The following SPECC1 variants were observed in gnomAD, a reference collection of about 807,000 sequenced individuals.
SPECC1 encodes sperm antigen with calponin homology and coiled-coil domains 1.
A neutral mutation model predicts 104.1 loss-of-function variants in SPECC1; 62 were observed. That is an observed-to-expected ratio of 0.60 (90% CI 0.49 to 0.74). SPECC1 has a LOEUF of 0.74. Among genes scored for constraint, SPECC1 ranks in the 30% least tolerant of loss-of-function variants. The probability of loss-of-function intolerance (pLI) is 0.00; values close to 1 mark genes in which losing one functional copy is unlikely to be tolerated. For missense variants in SPECC1, 1,306 were observed against 1,310.5 expected (o/e 1.00, Z 0.05); for synonymous variants, 513 against 501.6 (o/e 1.02, Z -0.30).
chr17:20,247,156 A>AAC, intron 8 of SPECC1, 63 bp from the exon 9 acceptor site: 1 of 1,310,358 alleles, frequency 7.6e-7, no homozygotes, highest in Non-Finnish European at 1.1e-6. Context: ...AGAAATCAGG[A>AAC]ACAAGTATAT....
At chr17:20,032,598 G>A (rs935744789) in intron 1 of SPECC1, among the ~76,000 whole-genome samples, 11 of 151,826 alleles carry the variant, frequency 7.2e-5, no homozygotes, top group African/African-American at 1.5e-4. Context: ...TTTCAACTCC[G>A]GAATTTCCAT....
chr17:20,265,642 G>A (rs1181930173), intron 12 of SPECC1, among the ~76,000 whole-genome samples: 1 of 152,074 alleles, frequency 6.6e-6, no homozygotes, highest in African/African-American at 2.4e-5. Context: ...CTTGCTTTTG[G>A]GGACTTAGCC....
intron 13 of SPECC1, among the ~76,000 whole-genome samples, chr17:20,298,948 A>AGAGAGAGTGTGTGTGT: frequency 1.9e-3 from 93 of 49,058 alleles, no homozygotes; most frequent in African/African-American, 8.0e-3. Flanking sequence ...AGAGAGAGAG[A>AGAGAGAGTGTGTGTGT]GTGTGTGTGT....
chr17:20,086,521 C>G (rs765521267), intron 1 of SPECC1, among the ~76,000 whole-genome samples: 2 of 152,214 alleles, frequency 1.3e-5, no homozygotes, highest in Non-Finnish European at 2.9e-5. Flanking sequence ...CACCCTCTGG[C>G]TTCTCTTGTT....
At chr17:20,298,663 G>A (rs1167073510) in intron 13 of SPECC1, among the ~76,000 whole-genome samples, 2 of 152,118 alleles carry the variant, frequency 1.3e-5, no homozygotes, top group Non-Finnish European at 2.9e-5. Flanking sequence ...ATATGTCTCA[G>A]ACAGAATCAA....
chr17:20,140,276 G>GT lies in SPECC1; in HGVS notation c.283+29721dup, dbSNP rs369144461. Among the ~76,000 whole-genome samples, 15 of 152,244 alleles carry GT rather than the reference G, an allele frequency of 9.9e-5. No homozygotes were observed. The East Asian group carries it at 2.9e-3, about 29-fold the overall frequency. ...TCTTACAGTGGTCTTGTTGATTGAAGTTTTTTTAAACATCTTTCCATTCTT... is the reference window on the plus strand; with the variant it reads ...TCTTACAGTGGTCTTGTTGATTGAAGTTTTTTTTAAACATCTTTCCATTCTT... On this transcript the variant is annotated intron_variant, in intron 3 of 14. Transcript: ENST00000395527.
chr17:20,100,487 A>G (rs370976518), intron 2 of SPECC1, among the ~76,000 whole-genome samples: 3 of 152,220 alleles, frequency 2.0e-5, no homozygotes, highest in African/African-American at 7.2e-5. Flanking sequence ...AGCAGACACC[A>G]TAGACCACCA....
intron 3 of SPECC1, among the ~76,000 whole-genome samples, chr17:20,194,706 A>T (rs1403432553): frequency 6.6e-6 from 1 of 151,546 alleles, no homozygotes; most frequent in African/African-American, 2.4e-5. Context: ...GGGTTTCACC[A>T]TGTTGGCTAG....
intron 1 of SPECC1, among the ~76,000 whole-genome samples, chr17:20,031,616 A>C (rs1308306403): frequency 6.6e-6 from 1 of 152,176 alleles, no homozygotes; most frequent in South Asian, 2.1e-4. Flanking sequence ...AACTCTTTTT[A>C]TCTTGCAAAA....
At chr17:20,243,765 G>A (rs2039303067) in intron 7 of SPECC1, among the ~76,000 whole-genome samples, 1 of 152,180 alleles carries the variant, frequency 6.6e-6, no homozygotes, top group Admixed American at 6.5e-5. Context: ...TTGATATTTT[G>A]AATTGCAGAT....
At chr17:20,124,448 T>A (rs1310797773) in intron 3 of SPECC1, among the ~76,000 whole-genome samples, 1 of 151,996 alleles carries the variant, frequency 6.6e-6, no homozygotes, top group Non-Finnish European at 1.5e-5. Context: ...GAAGAAGTGT[T>A]GGGGACTCAA....
chr17:20,217,226 G>A (rs933157288), intron 4 of SPECC1, among the ~76,000 whole-genome samples: 2 of 151,626 alleles, frequency 1.3e-5, no homozygotes, highest in African/African-American at 2.4e-5. Context: ...GCCCTTGTGA[G>A]AAGTTGTGAA....
At position 20,205,144 on chromosome 17, in the gene SPECC1, A is replaced by G. The variant is rs1028345446; in HGVS notation, c.1095A>G (p.Val365=). The part of the protein sequence containing the change: ...CSTAGSSPNS[V]SELSLASLTE... ...CTGCTGGGAGTTCCCCAAACAGCGT[A>G]AGTGAATTGTCCCTGGCTTCCCTCA... Residue 365 remains valine, a synonymous_variant, in exon 4 of 15, where the codon GTA becomes GTG. Transcript: ENST00000395527. The G allele has an allele frequency of 1.9e-6, 3 of 1,614,058 alleles. No individual in the cohort carries two copies. Among genetic ancestry groups the G allele is most frequent in the African/African-American group, 2.7e-5 (2 of 74,924 alleles).
At chr17:20,154,861 G>A (rs1319048467) in intron 3 of SPECC1, among the ~76,000 whole-genome samples, 1 of 152,142 alleles carries the variant, frequency 6.6e-6, no homozygotes, top group African/African-American at 2.4e-5. Flanking sequence ...CATACTGACA[G>A]GCGTTGTTGA....
chr17:20,167,560 C>T (rs2033760885), intron 3 of SPECC1, among the ~76,000 whole-genome samples: 1 of 152,114 alleles, frequency 6.6e-6, no homozygotes, highest in South Asian at 2.1e-4. Flanking sequence ...TGCCTGTAAT[C>T]CCAATTACTC....
intron 1 of SPECC1, among the ~76,000 whole-genome samples, chr17:20,058,716 C>T (rs2046062145): frequency 1.3e-5 from 2 of 151,842 alleles, no homozygotes; most frequent in East Asian, 1.9e-4. Context: ...TTTAGATTAG[C>T]GGTCCCCAAC....
chr17:20,137,293 C>T (rs906330185), intron 3 of SPECC1, among the ~76,000 whole-genome samples: 2 of 152,202 alleles, frequency 1.3e-5, no homozygotes, highest in Non-Finnish European at 2.9e-5. Flanking sequence ...CACAATTCTG[C>T]GAATGTCTTA....
intron 3 of SPECC1, among the ~76,000 whole-genome samples, chr17:20,199,938 T>G (rs1244429041): frequency 6.6e-6 from 1 of 152,080 alleles, no homozygotes; most frequent in Non-Finnish European, 1.5e-5. Context: ...TACAGGCGTT[T>G]GTGGCACCAC....
In SPECC1 at chr17:20,018,747, A is replaced by G. The variant is rs184004380; in HGVS notation, c.-22+9323A>G. ...CAAAGGAAGCCAGGCACAAGCTTCC[A>G]AGCATCCTCTCCCAGTGCAGTCACA... On this transcript the variant is annotated intron_variant, in intron 1 of 14. Transcript: ENST00000395527. Among the ~76,000 whole-genome samples the G allele has an allele frequency of 5.7e-3, 867 of 152,332 alleles. 4 individuals carry two copies. Among genetic ancestry groups the G allele is most frequent in the Non-Finnish European group, 8.3e-3 (565 of 68,032 alleles).
Sources: gnomAD v4.1 joint callset for allele counts (sites outside exome capture counted in the v4.1 genomes callset) on GRCh38, gnomAD v4.1.1 for gene constraint, MANE v1.5 for transcripts, NCBI Gene and HGNC (gene_info 2026-07-23, HGNC 2026-07-21) for gene names.